RHOBTB3: variants seen among roughly 807,000 people sequenced by gnomAD.
RHOBTB3 encodes the protein Rho related BTB domain containing 3.
In RHOBTB3, 47 loss-of-function variants were observed where a neutral mutation model predicts 67.2. The ratio of observed to expected loss-of-function variants is 0.70; its 90% CI spans 0.55 to 0.89. The LOEUF (loss-of-function observed/expected upper bound fraction) is 0.89, where lower values mean the gene tolerates loss of function less well. RHOBTB3 is among the 40% of genes least tolerant of loss of function. The pLI, the probability that RHOBTB3 is intolerant of heterozygous loss-of-function variation, is 0.00. For missense variants in RHOBTB3, 631 were observed against 750.0 expected (o/e 0.84, Z 1.85); for synonymous variants, 273 against 274.2 (o/e 1.00, Z 0.04).
chr5:95,763,832 GACAGAGACC>G (rs1745462694), intron 7 of RHOBTB3, among the ~76,000 whole-genome samples: 1 of 152,058 alleles, frequency 6.6e-6, no homozygotes, highest in African/African-American at 2.4e-5. Flanking sequence ...GTGTGTGTGA[GACAGAGACC>G]TGTGTTGCCC....
In RHOBTB3 at chr5:95,744,492, G is replaced by A. The variant is rs558744747; in HGVS notation, c.416-3841G>A. Among the ~76,000 whole-genome samples the A allele has an allele frequency of 3.3e-5, 5 of 152,178 alleles. No individual in the cohort carries two copies. In the South Asian group the frequency reaches 1.1e-3, roughly 32 times the overall value. ...TTGCATTTTTATATCCCTGGCACTT[G>A]ATGTGTGGTAGGTACTCACTAAACG... On this transcript the variant is annotated intron_variant, in intron 3 of 11. Coordinates refer to ENST00000379982, the MANE Select transcript of RHOBTB3 (RefSeq NM_014899.4).
intron 3 of RHOBTB3, among the ~76,000 whole-genome samples, chr5:95,746,524 A>T (rs902486374): frequency 2.6e-5 from 4 of 152,208 alleles, no homozygotes; most frequent in Non-Finnish European, 5.9e-5. Context: ...CAAACTTAAA[A>T]TGATCTTAGA....
intron 6 of RHOBTB3, among the ~76,000 whole-genome samples, chr5:95,759,551 G>A (rs895601223): frequency 3.3e-5 from 5 of 152,186 alleles, no homozygotes; most frequent in African/African-American, 1.2e-4. Context: ...TGCTTTGTTT[G>A]ATCCTCTAGT....
chr5:95,771,912 A>G (rs1034084904), intron 8 of RHOBTB3, among the ~76,000 whole-genome samples: 3 of 152,074 alleles, frequency 2.0e-5, no homozygotes, highest in Admixed American at 6.6e-5. Context: ...AAGAAGAAAT[A>G]TGATTGGTAA....
intron 1 of RHOBTB3, among the ~76,000 whole-genome samples, chr5:95,723,292 G>C (rs968177741): frequency 6.6e-6 from 1 of 152,222 alleles, no homozygotes; most frequent in Admixed American, 6.5e-5. Flanking sequence ...GCGGCCCTTA[G>C]GCCACAGGTT....
rs1580435738 is a variant in RHOBTB3, at chr5:95,793,309, A to G, written c.*135A>G. On this transcript the variant is annotated 3_prime_UTR_variant, in exon 12 of 12. Transcript: ENST00000379982. ...TACCATATAGCTTAATATGTTTATT[A>G]GTTCTCTTTGGAAAAAAACTACCAC... 30 of 547,920 alleles carry G rather than the reference A, an allele frequency of 5.5e-5. No homozygotes were observed. In the East Asian group the frequency reaches 9.4e-4, roughly 17 times the overall value. The allele number at this position is 547,920 out of a possible 1,614,324, so 33.9% of individuals were successfully genotyped here.
Position 95,780,638 on chromosome 5 carries a change from C to A in RHOBTB3, c.1456+213C>A, listed in dbSNP as rs1295854133. On this transcript the variant is annotated intron_variant, in intron 9 of 11. Transcript: ENST00000379982. Reference sequence around the variant, plus strand: ...TGATTGGGTGCCTTTTATGGGTCTCCGACGCCGGCACAAGTTCACATGTCC... The same window carrying A: ...TGATTGGGTGCCTTTTATGGGTCTCAGACGCCGGCACAAGTTCACATGTCC... 2.0e-5 allele frequency among the ~76,000 whole-genome samples: 3 copies of A among 152,182 alleles called. No homozygotes were observed. In the South Asian group the frequency reaches 6.2e-4, roughly 32 times the overall value.
chr5:95,785,574 A>G (rs1746201285), intron 10 of RHOBTB3, among the ~76,000 whole-genome samples: 2 of 151,622 alleles, frequency 1.3e-5, no homozygotes, highest in Non-Finnish European at 2.9e-5. Flanking sequence ...AGCCTGGGTG[A>G]CAGAGTGAGA....
intron 6 of RHOBTB3, 127 bp downstream of exon 6, chr5:95,755,888 T>C: frequency 1.2e-6 from 1 of 863,190 alleles, no homozygotes; most frequent in Admixed American, 2.6e-5. Flanking sequence ...ATTAAGATTA[T>C]ACATGAAATA....
intron 2 of RHOBTB3, among the ~76,000 whole-genome samples, chr5:95,736,012 G>A (rs1755446286): frequency 6.6e-6 from 1 of 152,152 alleles, no homozygotes; most frequent in Non-Finnish European, 1.5e-5. Flanking sequence ...TGAGGCACAG[G>A]AATTGCTTGA....
At chr5:95,753,203 CTGTG>C (rs1745142252) in intron 5 of RHOBTB3, among the ~76,000 whole-genome samples, 1 of 148,728 alleles carries the variant, frequency 6.7e-6, no homozygotes, top group Admixed American at 6.7e-5. Flanking sequence ...AATATTTCAG[CTGTG>C]TGTATGTGTG....
At chr5:95,729,123 G>A (rs1755143710), upstream of RHOBTB3, among the ~76,000 whole-genome samples, 1 of 152,180 alleles carries the variant, frequency 6.6e-6, no homozygotes, top group South Asian at 2.1e-4. Context: ...ACTCAGTCGA[G>A]CAGCCCATGA....
At chr5:95,744,482 C>T (rs1755694607) in intron 3 of RHOBTB3, among the ~76,000 whole-genome samples, 1 of 151,928 alleles carries the variant, frequency 6.6e-6, no homozygotes, top group African/African-American at 2.4e-5. Context: ...TTTTTATATC[C>T]CTGGCACTTG....
chr5:95,776,037 AC>A lies in RHOBTB3; in HGVS notation c.1283-4214del, dbSNP rs564103373. Among the ~76,000 whole-genome samples, 69 of 152,332 alleles carry A rather than the reference AC, an allele frequency of 4.5e-4. 1 individual carries two copies. The South Asian group carries it at 0.014, about 32-fold the overall frequency. On this transcript the variant is annotated intron_variant, in intron 8 of 11. Transcript: ENST00000379982. ...GTGAAATAATTCACATTGGAATGTAACTTTGATATTATCAATACAAATTTAT... is the reference window on the plus strand; with the variant it reads ...GTGAAATAATTCACATTGGAATGTAATTTGATATTATCAATACAAATTTAT...
intron 11 of RHOBTB3, chr5:95,789,629 G>A (rs1037128636): frequency 2.6e-5 from 4 of 152,098 alleles, no homozygotes; most frequent in Non-Finnish European, 4.4e-5. Flanking sequence ...ATAAATCTCC[G>A]TGGAGATAAC....
At chr5:95,783,561 C>CAAAAAAAAAAAAAAAAAA (rs201633409) in intron 9 of RHOBTB3, 3 of 107,678 alleles carry the variant, frequency 2.8e-5, no homozygotes, top group South Asian at 2.2e-4. Flanking sequence ...CCTGTCTCTA[C>CAAAAAAAAAAAAAAAAAA]AAAAAAAAAA....
chr5:95,719,649 C>A (rs1754805028), intron 1 of RHOBTB3: 1 of 152,190 alleles, frequency 6.6e-6, no homozygotes, highest in African/African-American at 2.4e-5. Flanking sequence ...CATACCTGTT[C>A]AGAGAGTTAT....
In RHOBTB3 at chr5:95,796,071, G is replaced by A. The variant is rs561387347; in HGVS notation, c.*2897G>A. The A allele has an allele frequency of 3.9e-5, 6 of 152,282 alleles. No individual in the cohort carries two copies. Among genetic ancestry groups the A allele is most frequent in the African/African-American group, 1.4e-4 (6 of 41,546 alleles). 9.4% of individuals were successfully genotyped at this position (152,282 alleles called of 1,614,324 possible). On this transcript the variant is annotated 3_prime_UTR_variant, in exon 12 of 12. Coordinates refer to ENST00000379982, the MANE Select transcript of RHOBTB3 (RefSeq NM_014899.4). Reference sequence around the variant, plus strand: ...AATTAATTCTGTCCAAGCCAGCATGGTGGCTTCATATTAAGTAGTAACAGA... The same window carrying A: ...AATTAATTCTGTCCAAGCCAGCATGATGGCTTCATATTAAGTAGTAACAGA...
chr5:95,783,690 C>A, intron 9 of RHOBTB3, 107 bp from the exon 10 acceptor site: 2 of 882,762 alleles, frequency 2.3e-6, no homozygotes, highest in Non-Finnish European at 3.4e-6. Context: ...GTGGATGCTA[C>A]GGTCAGCATG....
Sources: gnomAD v4.1 joint callset for allele counts (sites outside exome capture counted in the v4.1 genomes callset) on GRCh38, gnomAD v4.1.1 for gene constraint, MANE v1.5 for transcripts, NCBI Gene and HGNC (gene_info 2026-07-23, HGNC 2026-07-21) for gene names.